Variants in PCNX2 observed in about 807,000 individuals in gnomAD.
The protein encoded by PCNX2 is pecanex-like protein 2.
In PCNX2, 168 loss-of-function variants were observed where a neutral mutation model predicts 223.8. The ratio of observed to expected loss-of-function variants is 0.75; its 90% CI spans 0.66 to 0.85. The LOEUF (loss-of-function observed/expected upper bound fraction) is 0.85, where lower values mean the gene tolerates loss of function less well. Among genes scored for constraint, PCNX2 ranks in the 40% least tolerant of loss-of-function variants. The pLI is 0.00. For missense variants in PCNX2, 2,507 were observed against 2,675.5 expected (o/e 0.94, Z 1.39); for synonymous variants, 1,006 against 1,052.6 (o/e 0.96, Z 0.86).
At position 233,258,109 on chromosome 1, in the gene PCNX2, A is replaced by C. The variant is rs746339065; in HGVS notation, c.1753T>G (p.Ser585Ala). 3.7e-6 allele frequency: 6 copies of C among 1,613,726 alleles called. No individual in the cohort carries two copies. In the African/African-American group the frequency reaches 8.0e-5, roughly 22 times the overall value. ...GCCGTCATCTTGGAAGTATTAATGG[A>C]TTCTAACAGGGAGACAAATTCCAGG... ...NFLEFVSLLE[S>A]INTSKMTASS... is the part of the protein sequence containing the mutation. Residue 585 changes from serine to alanine, a missense_variant, in exon 5 of 34, where the codon TCC becomes GCC. Ser to Ala is a moderately conservative substitution (Grantham distance 99, BLOSUM62 1). Around this residue, in one of 3 missense-constraint regions of PCNX2, gnomAD observed 1,031 missense variants for 1,021.7 expected, o/e 1.01. Coordinates refer to ENST00000258229, the MANE Select transcript of PCNX2 (RefSeq NM_014801.4).
chr1:232,991,369 A>G lies in PCNX2; in HGVS notation c.5792-4829T>C, dbSNP rs576738832. Among the ~76,000 whole-genome samples the G allele has an allele frequency of 6.6e-6, 1 of 152,212 alleles. No individual in the cohort carries two copies. Among genetic ancestry groups the G allele is most frequent in the African/African-American group, 2.4e-5 (1 of 41,508 alleles). ...CGTGTGCTGGGGATGTGGGCTCATAAGAGAGGGCTGAGAGAAGGGAGAGAA... is the reference window on the plus strand; with the variant it reads ...CGTGTGCTGGGGATGTGGGCTCATAGGAGAGGGCTGAGAGAAGGGAGAGAA... On this transcript the variant is annotated intron_variant, in intron 32 of 33. Coordinates refer to ENST00000258229, the MANE Select transcript of PCNX2 (RefSeq NM_014801.4). The surrounding 1 kb of genome is among the most constrained non-coding windows in gnomAD (Gnocchi z 4.3).
chr1:233,289,114 A>G, intron 1 of PCNX2: 2 of 916,950 alleles, frequency 2.2e-6, no homozygotes, highest in East Asian at 4.8e-5. Flanking sequence ...TTTTGCTTAT[A>G]TTTTGTACAG....
chr1:233,135,278 T>C (rs1676739818), intron 20 of PCNX2, 88 bp from the exon 21 acceptor site: 2 of 1,368,120 alleles, frequency 1.5e-6, no homozygotes, highest in Admixed American at 2.5e-5. Flanking sequence ...CCAGGATTGA[T>C]GGTTCATTAA....
At chr1:233,018,030 TG>T (rs1670746176) in intron 26 of PCNX2, among the ~76,000 whole-genome samples, 1 of 152,162 alleles carries the variant, frequency 6.6e-6, no homozygotes, top group Admixed American at 6.5e-5. Context: ...TTTGTTTGTT[TG>T]TTTTTTGAGA....
chr1:233,113,434 G>T (rs1221854180), intron 21 of PCNX2, among the ~76,000 whole-genome samples: 3 of 152,134 alleles, frequency 2.0e-5, no homozygotes, highest in Admixed American at 6.5e-5. Flanking sequence ...ACCACTATGA[G>T]TCAGCATCTC....
At chr1:233,122,072 G>A (rs1176160948) in intron 21 of PCNX2, among the ~76,000 whole-genome samples, 2 of 120,400 alleles carry the variant, frequency 1.7e-5, no homozygotes, top group African/African-American at 7.1e-5. Flanking sequence ...AAGTTAGAAA[G>A]TACACACACA....
At chr1:233,003,324 A>G (rs1300418665) in intron 28 of PCNX2, among the ~76,000 whole-genome samples, 2 of 152,182 alleles carry the variant, frequency 1.3e-5, no homozygotes, top group African/African-American at 4.8e-5. Flanking sequence ...AAACAACCCC[A>G]TCAAAAAGTG....
chr1:233,218,540 G>A (rs1016328320), intron 10 of PCNX2, among the ~76,000 whole-genome samples: 58 of 152,056 alleles, frequency 3.8e-4, no homozygotes, highest in East Asian at 7.7e-4. Flanking sequence ...GTGAGCCACC[G>A]TGCCCAGCCA....
intron 10 of PCNX2, among the ~76,000 whole-genome samples, chr1:233,218,422 T>A (rs57388330): frequency 0.044 from 3,309 of 75,592 alleles, 119 homozygotes; most frequent in African/African-American, 0.27. Flanking sequence ...CTAATTTTTT[T>A]ATTTTTTTTA....
intron 1 of PCNX2, among the ~76,000 whole-genome samples, chr1:233,269,114 C>T (rs1660500147): frequency 6.6e-6 from 1 of 152,220 alleles, no homozygotes; most frequent in Non-Finnish European, 1.5e-5. Context: ...TAAAGGTGAT[C>T]TTCTGAATTC....
In PCNX2 at chr1:233,295,592, G is replaced by GCCGCCGCCGTCGCCC; in HGVS notation, c.-129_-115dup. On this transcript the variant is annotated 5_prime_UTR_variant, in exon 1 of 34. Transcript: ENST00000258229. This position sits in a 1 kb window ranked among gnomAD's most constrained non-coding sequence, Gnocchi z 4.1. Reference sequence around the variant, plus strand: ...GCCCGCGGGCCGCGCCCCCGCCGTCGCCGCCGCCGTCGCCCCCGCCGCCTC... The same window carrying GCCGCCGCCGTCGCCC: ...GCCCGCGGGCCGCGCCCCCGCCGTCGCCGCCGCCGTCGCCCCCGCCGCCGTCGCCCCCGCCGCCTC... The GCCGCCGCCGTCGCCC allele has an allele frequency of 1.7e-6, 2 of 1,149,112 alleles. No individual in the cohort carries two copies. Among genetic ancestry groups the GCCGCCGCCGTCGCCC allele is most frequent in the Non-Finnish European group, 2.2e-6 (2 of 900,828 alleles). The allele number at this position is 1,149,112 out of a possible 1,614,324, so 71.2% of individuals were successfully genotyped here. A position where few individuals can be genotyped will look rare whatever the true frequency, so the allele number is the denominator to read the frequency against.
chr1:233,141,038 GT>G (rs1426744192), intron 19 of PCNX2, among the ~76,000 whole-genome samples: 1 of 151,260 alleles, frequency 6.6e-6, no homozygotes, highest in Non-Finnish European at 1.5e-5. Flanking sequence ...ACAATTTATA[GT>G]AAAAAAAAAA....
intron 1 of PCNX2, among the ~76,000 whole-genome samples, chr1:233,268,207 T>A (rs926205973): frequency 1.3e-5 from 2 of 152,208 alleles, no homozygotes; most frequent in Non-Finnish European, 2.9e-5. Flanking sequence ...CCACCGCGCC[T>A]GGTTTATGTT....
chr1:233,116,156 AAC>A (rs534574266), intron 21 of PCNX2, among the ~76,000 whole-genome samples: 82 of 152,306 alleles, frequency 5.4e-4, no homozygotes, highest in Admixed American at 1.8e-3. Flanking sequence ...TGAAAGAAAA[AAC>A]AGACAAATCA....
chr1:233,110,388 C>A (rs1269979827), intron 21 of PCNX2, among the ~76,000 whole-genome samples: 1 of 152,174 alleles, frequency 6.6e-6, no homozygotes, highest in African/African-American at 2.4e-5. Context: ...GCTGGGAGAA[C>A]TGCCATCTTG....
Position 233,262,988 on chromosome 1 carries a change from C to G in PCNX2, c.329G>C (p.Gly110Ala). The G allele has an allele frequency of 6.2e-7, 1 of 1,613,630 alleles. No individual in the cohort carries two copies. The highest frequency in any genetic ancestry group is 8.5e-7 in the Non-Finnish European group (1 of 1,179,776). Residue 110 changes from glycine (G) to alanine (A), a missense_variant, in exon 2 of 34, where the codon GGT becomes GCT. Gly to Ala is a moderately conservative substitution (Grantham distance 60). Around this residue, in one of 3 missense-constraint regions of PCNX2, gnomAD observed 1,031 missense variants for 1,021.7 expected, o/e 1.01. Transcript: ENST00000258229. ...EKPNKDKEAK[G>A]EHITNHRNPS... The stretch of plus-strand genomic sequence containing the variant: ...ATTTCTGTGATTAGTTATGTGTTCA[C>G]CTTTGGCCTCCTTGTCTTTATTTGG...
At chr1:233,020,593 G>C (rs1013858391) in intron 26 of PCNX2, among the ~76,000 whole-genome samples, 9 of 152,220 alleles carry the variant, frequency 5.9e-5, no homozygotes, top group African/African-American at 1.9e-4. Context: ...GGCCTGGCAG[G>C]CAGGCCAACC....
At chr1:233,151,340 C>T (rs1437237946) in intron 19 of PCNX2, among the ~76,000 whole-genome samples, 1 of 152,202 alleles carries the variant, frequency 6.6e-6, no homozygotes. Flanking sequence ...ACAGTGGCCA[C>T]ACCGACTGCA....
At chr1:233,285,985 C>T (rs1661427098) in intron 1 of PCNX2, among the ~76,000 whole-genome samples, 1 of 152,168 alleles carries the variant, frequency 6.6e-6, no homozygotes, top group Admixed American at 6.5e-5. Context: ...ATTTGTATAA[C>T]ATTTTTAATG....
Sources: allele counts gnomAD v4.1 joint callset (sites outside exome capture counted in the v4.1 genomes callset), GRCh38; gene constraint gnomAD v4.1.1; regional missense constraint gnomAD v4.1.1; non-coding constraint Gnocchi (gnomAD v3.1); transcripts MANE v1.5; gene names NCBI Gene and HGNC (gene_info 2026-07-23, HGNC 2026-07-21).